INTS4: variants seen among roughly 807,000 people sequenced by gnomAD.
INTS4 encodes the protein MSTP093.
Under a neutral mutation model 119.5 loss-of-function variants are expected in INTS4, and 70 were observed. That is an observed-to-expected ratio of 0.59 (90% CI 0.48 to 0.71). INTS4 has a LOEUF of 0.71. Ranked by LOEUF, INTS4 falls within the 30% of genes least tolerant of loss-of-function variation. The pLI is 0.00. For missense variants in INTS4, 867 were observed against 1,173.2 expected, an observed-to-expected ratio of 0.74 and a Z score of 3.81; for synonymous variants, 316 against 419.6, an observed-to-expected ratio of 0.75 and a Z score of 3.02.
chr11:77,974,942 T>C (rs1348814815), intron 4 of INTS4, among the ~76,000 whole-genome samples: 4 of 152,170 alleles, frequency 2.6e-5, no homozygotes, highest in Non-Finnish European at 5.9e-5. Flanking sequence ...GTCCATCTTC[T>C]GGTCTTCTCA....
intron 8 of INTS4, among the ~76,000 whole-genome samples, chr11:77,950,383 T>G (rs1022347076): frequency 6.6e-6 from 1 of 151,276 alleles, no homozygotes; most frequent in African/African-American, 2.4e-5. Flanking sequence ...ATTGATATCA[T>G]AGAGGCAGAG....
chr11:77,905,030 T>C (rs867463521), intron 16 of INTS4, among the ~76,000 whole-genome samples: 3 of 152,188 alleles, frequency 2.0e-5, no homozygotes, highest in Admixed American at 6.5e-5. Context: ...GTTTTACACA[T>C]TGAGGGTGTG....
At chr11:77,886,405 G>A (rs1426410719) in intron 21 of INTS4, among the ~76,000 whole-genome samples, 1 of 152,206 alleles carries the variant, frequency 6.6e-6, no homozygotes, top group African/African-American at 2.4e-5. Context: ...CAGTAACCTA[G>A]ATTAGGCTTA....
rs566370970 is a variant in INTS4 at position 77,940,422 on chromosome 11, C to A, written c.990+758G>T. On this transcript the variant is annotated intron_variant, in intron 9 of 22. Transcript: ENST00000534064. ...TTTCAGCCTGGGCAATAGAGTGAGA[C>A]CCTGTTTCAAAAAAAAAGAAGAAAA... is the stretch of plus-strand genomic sequence containing the variant. 2.6e-5 allele frequency among the ~76,000 whole-genome samples: 4 copies of A among 151,960 alleles called. No homozygotes were observed. In the South Asian group the frequency reaches 8.3e-4, roughly 32 times the overall value.
At chr11:77,971,255 A>T (rs1348624810) in intron 4 of INTS4, among the ~76,000 whole-genome samples, 1 of 151,156 alleles carries the variant, frequency 6.6e-6, no homozygotes, top group Non-Finnish European at 1.5e-5. Flanking sequence ...TTAGTTTAAT[A>T]CTTTTTTTTT....
downstream of INTS4, chr11:77,878,658 G>A (rs549091682): frequency 1.9e-5 from 12 of 648,060 alleles, no homozygotes; most frequent in Admixed American, 2.7e-5. Context: ...ATGTAAGCAC[G>A]TAGTATAAAA....
chr11:77,954,027 T>C (rs1255035310), intron 8 of INTS4, among the ~76,000 whole-genome samples: 1 of 151,960 alleles, frequency 6.6e-6, no homozygotes, highest in South Asian at 2.1e-4. Flanking sequence ...TTGGCCAGGA[T>C]GGTCTCGATC....
intron 10 of INTS4, among the ~76,000 whole-genome samples, chr11:77,936,082 T>C (rs1435657909): frequency 6.6e-6 from 1 of 151,718 alleles, no homozygotes; most frequent in African/African-American, 2.4e-5. Context: ...AATAAAATAA[T>C]GTTCAGTATC....
intron 4 of INTS4, among the ~76,000 whole-genome samples, chr11:77,972,192 A>G (rs1268764270): frequency 1.3e-5 from 2 of 152,106 alleles, no homozygotes; most frequent in African/African-American, 4.8e-5. Flanking sequence ...TCAACCTCCC[A>G]GGCTTAAGCA....
At chr11:77,903,075 G>A (rs1247915520) in intron 17 of INTS4, among the ~76,000 whole-genome samples, 5 of 152,314 alleles carry the variant, frequency 3.3e-5, no homozygotes, top group Non-Finnish European at 4.4e-5. Context: ...CGGCCCAACT[G>A]CCACATTTTA....
At chr11:77,887,557 G>T (rs968804895) in intron 21 of INTS4, among the ~76,000 whole-genome samples, 1 of 152,142 alleles carries the variant, frequency 6.6e-6, no homozygotes, top group African/African-American at 2.4e-5. Flanking sequence ...ACATAGTGTT[G>T]GAAGTGCTGG....
At chr11:77,908,943 TGTCCC>T (rs1953026938) in intron 15 of INTS4, among the ~76,000 whole-genome samples, 1 of 152,370 alleles carries the variant, frequency 6.6e-6, no homozygotes, top group East Asian at 1.9e-4. Context: ...CAAGGGAACA[TGTCCC>T]CAAGCCCAAT....
downstream of INTS4, chr11:77,877,030 C>T: frequency 1.4e-6 from 1 of 703,088 alleles, no homozygotes; most frequent in Admixed American, 2.0e-5. Context: ...CATGGCACAT[C>T]CTTGAGAGAT....
intron 22 of INTS4, 76 bp downstream of exon 22, chr11:77,883,756 T>C: frequency 6.6e-7 from 1 of 1,508,448 alleles, no homozygotes; most frequent in Non-Finnish European, 9.0e-7. Context: ...TTTCAAACTT[T>C]AAAAACCAAA....
At chr11:77,884,805 A>G in intron 21 of INTS4, 1 of 407,760 alleles carries the variant, frequency 2.5e-6, no homozygotes, top group Non-Finnish European at 5.0e-6. Context: ...CCCAGGCTGG[A>G]GTGCAGTGGC....
chr11:77,989,726 CAAAAAAA>C (rs143173961), intron 2 of INTS4, among the ~76,000 whole-genome samples: 2 of 76,438 alleles, frequency 2.6e-5, no homozygotes, highest in Non-Finnish European at 5.5e-5. Context: ...CCTGTCTCTA[CAAAAAAA>C]AAAAAAAAAT....
Position 77,980,522 on chromosome 11 carries a change from G to A in INTS4, c.364+937C>T, listed in dbSNP as rs527426886. On this transcript the variant is annotated intron_variant, in intron 3 of 22. Transcript: ENST00000534064. ...AGCCTCCCAAGCAGCTGGGATAAAG[G>A]TGTGAGCAACCATGTTTGGCTAATT... Among the ~76,000 whole-genome samples, 11 of 152,246 alleles carry A rather than the reference G, an allele frequency of 7.2e-5. No homozygotes were observed. In the South Asian group the frequency reaches 2.3e-3, roughly 32 times the overall value.
intron 4 of INTS4, among the ~76,000 whole-genome samples, chr11:77,964,102 T>C (rs1855377189): frequency 6.6e-6 from 1 of 152,182 alleles, no homozygotes; most frequent in South Asian, 2.1e-4. Flanking sequence ...GAAAACTGCA[T>C]TAATTTCTTG....
intron 21 of INTS4, among the ~76,000 whole-genome samples, chr11:77,889,039 T>C (rs1952142557): frequency 1.3e-5 from 2 of 152,150 alleles, no homozygotes; most frequent in Non-Finnish European, 2.9e-5. Flanking sequence ...GATCTAGAAC[T>C]AGAAATACCA....
Sources: allele counts gnomAD v4.1 joint callset (sites outside exome capture counted in the v4.1 genomes callset), GRCh38; gene constraint gnomAD v4.1.1; transcripts MANE v1.5; gene names NCBI Gene and HGNC (gene_info 2026-07-23, HGNC 2026-07-21).